The following BRD10 variants were observed in gnomAD, a reference collection of about 807,000 sequenced individuals.
BRD10 encodes the protein uncharacterized bromodomain-containing protein 10.
the BRD10 span, chr9:5,920,337 C>A: frequency 1.9e-6 from 3 of 1,613,812 alleles, no homozygotes; most frequent in African/African-American, 1.3e-5. Flanking sequence ...ATCTGAGTAC[C>A]AGGTGCCAAA....
chr9:5,956,883 G>C, the BRD10 span, among the ~76,000 whole-genome samples: 9 of 152,032 alleles, frequency 5.9e-5, no homozygotes, highest in African/African-American at 2.2e-4. Flanking sequence ...TGTATTTACA[G>C]CATTTAGCAC....
chr9:5,985,569 T>C, the BRD10 span, among the ~76,000 whole-genome samples: 376 of 152,290 alleles, frequency 2.5e-3, 2 homozygotes, highest in Non-Finnish European at 2.5e-3. Context: ...GCAGATCACC[T>C]GAGGTTGGGA....
the BRD10 span, chr9:5,921,476 A>G: frequency 6.2e-7 from 1 of 1,613,966 alleles, no homozygotes; most frequent in Non-Finnish European, 8.5e-7. Flanking sequence ...ATTAATAAAA[A>G]CTAATTTCTG....
the BRD10 span, chr9:5,881,685 A>G: frequency 6.6e-6 from 1 of 152,382 alleles, no homozygotes; most frequent in East Asian, 1.9e-4. Context: ...CCTGTCAAGA[A>G]GGATATGATA....
At chr9:5,957,943 T>A in the BRD10 span, among the ~76,000 whole-genome samples, 1 of 152,126 alleles carries the variant, frequency 6.6e-6, no homozygotes, top group African/African-American at 2.4e-5. Flanking sequence ...CTTGATCATA[T>A]CCCAGGCCTT....
the BRD10 span, chr9:5,919,694 GCT>G: frequency 1.9e-6 from 3 of 1,607,544 alleles, no homozygotes; most frequent in Admixed American, 1.7e-5. Flanking sequence ...TCAAGATGCA[GCT>G]CTGTCAGGCT....
chr9:5,929,105 G>T, the BRD10 span: 6 of 1,608,250 alleles, frequency 3.7e-6, no homozygotes, highest in African/African-American at 6.7e-5. Context: ...TTTAAAAGAC[G>T]TATCAATGTA....
chr9:5,960,426 G>A, the BRD10 span, among the ~76,000 whole-genome samples: 1 of 152,102 alleles, frequency 6.6e-6, no homozygotes, highest in Non-Finnish European at 1.5e-5. Context: ...GCCGGACATG[G>A]TGGCACATGC....
chr9:5,917,901 A>T, the BRD10 span, among the ~76,000 whole-genome samples: 1 of 152,226 alleles, frequency 6.6e-6, no homozygotes, highest in East Asian at 1.9e-4. Flanking sequence ...CACTGGGATT[A>T]AAGTTGGGCC....
the BRD10 span, among the ~76,000 whole-genome samples, chr9:5,979,419 G>A: frequency 8.3e-3 from 1,267 of 152,126 alleles, 12 homozygotes; most frequent in African/African-American, 0.028. Flanking sequence ...AGGCTGAGGT[G>A]GGAGGATAAC....
At chr9:5,961,470 GT>G in the BRD10 span, among the ~76,000 whole-genome samples, 6 of 151,206 alleles carry the variant, frequency 4.0e-5, no homozygotes, top group South Asian at 6.3e-4. Flanking sequence ...TTTGCTCTGA[GT>G]TTTTTTTTAC....
chr9:5,987,353 A>G, the BRD10 span, among the ~76,000 whole-genome samples: 3 of 152,126 alleles, frequency 2.0e-5, no homozygotes, highest in African/African-American at 7.2e-5. Context: ...CCAGTAGTGG[A>G]GATGTAGACT....
At chr9:5,956,483 C>T in the BRD10 span, among the ~76,000 whole-genome samples, 1 of 152,112 alleles carries the variant, frequency 6.6e-6, no homozygotes, top group East Asian at 1.9e-4. Flanking sequence ...CTTGAGCAAA[C>T]TGCTTTATTT....
chr9:5,922,263 A>G, the BRD10 span: 7 of 1,613,814 alleles, frequency 4.3e-6, no homozygotes, highest in African/African-American at 9.3e-5. Context: ...GGATTTGTAG[A>G]CCCATTTAGT....
chr9:5,982,362 G>C, the BRD10 span, among the ~76,000 whole-genome samples: 1 of 152,166 alleles, frequency 6.6e-6, no homozygotes, highest in Non-Finnish European at 1.5e-5. Flanking sequence ...TGCTAGGACA[G>C]CTGGTTTGAA....
chr9:5,936,236 G>C, the BRD10 span, among the ~76,000 whole-genome samples: 3 of 152,150 alleles, frequency 2.0e-5, no homozygotes, highest in Non-Finnish European at 4.4e-5. Flanking sequence ...TGCACCTGTA[G>C]TCCCAGCTAC....
the BRD10 span, among the ~76,000 whole-genome samples, chr9:5,887,051 G>A: frequency 6.6e-6 from 1 of 152,166 alleles, no homozygotes; most frequent in East Asian, 1.9e-4. Flanking sequence ...TAGAGGTCAG[G>A]AGTTCGAGAC....
the BRD10 span, among the ~76,000 whole-genome samples, chr9:5,896,706 G>A: frequency 1.3e-5 from 2 of 152,224 alleles, no homozygotes; most frequent in South Asian, 2.1e-4. Flanking sequence ...CTTGCCCGGA[G>A]TGAACAGCTC....
the BRD10 span, among the ~76,000 whole-genome samples, chr9:5,946,332 A>C: frequency 3.3e-5 from 5 of 152,122 alleles, no homozygotes; most frequent in Non-Finnish European, 5.9e-5. Context: ...AAACAATTTG[A>C]GAGTAGAAAT....
Sources: allele counts gnomAD v4.1 joint callset (sites outside exome capture counted in the v4.1 genomes callset), GRCh38; gene constraint gnomAD v4.1.1; transcripts MANE v1.5; gene names NCBI Gene and HGNC (gene_info 2026-07-23, HGNC 2026-07-21).